APBB1IP: variants seen among roughly 807,000 people sequenced by gnomAD.
The protein encoded by APBB1IP is amyloid beta precursor protein binding family B member 1 interacting protein, also known as amyloid beta A4 precursor protein-binding family B member 1-interacting protein.
In APBB1IP, 27 loss-of-function variants were observed where a neutral mutation model predicts 64.9. That is an observed-to-expected ratio of 0.42 (90% CI 0.31 to 0.57). The LOEUF (loss-of-function observed/expected upper bound fraction) is 0.57. Ranked by LOEUF, APBB1IP falls within the 20% of genes least tolerant of loss-of-function variation. APBB1IP has a pLI of 0.20. For synonymous variants in APBB1IP, 392 were observed against 331.0 expected (o/e 1.18, Z -2.00); for missense variants, 812 against 845.5 (o/e 0.96, Z 0.49).
intron 2 of APBB1IP, among the ~76,000 whole-genome samples, 176 bp from the exon 3 acceptor site, chr10:26,492,151 T>C (rs779432333): frequency 1.3e-5 from 2 of 152,146 alleles, no homozygotes; most frequent in Non-Finnish European, 2.9e-5. Context: ...ATCAAGCAGA[T>C]TGGATAGAAG....
intron 2 of APBB1IP, among the ~76,000 whole-genome samples, chr10:26,440,560 A>G (rs1396615107): frequency 6.6e-6 from 1 of 152,236 alleles, no homozygotes; most frequent in Non-Finnish European, 1.5e-5. Context: ...GAAACAGCCC[A>G]AACTTGAACA....
At chr10:26,524,979 A>G (rs1430243966) in intron 8 of APBB1IP, among the ~76,000 whole-genome samples, 4 of 48,312 alleles carry the variant, frequency 8.3e-5, no homozygotes, top group Non-Finnish European at 2.0e-4. Context: ...TTTTTTATAA[A>G]AAAAGGAATC....
At chr10:26,493,285 A>G (rs1200823121) in intron 3 of APBB1IP, among the ~76,000 whole-genome samples, 2 of 152,180 alleles carry the variant, frequency 1.3e-5, no homozygotes, top group East Asian at 3.8e-4. Context: ...TGTGCAGTTA[A>G]CGCAATCATC....
At chr10:26,450,634 G>A (rs911589313) in intron 2 of APBB1IP, among the ~76,000 whole-genome samples, 1 of 150,910 alleles carries the variant, frequency 6.6e-6, no homozygotes, top group Admixed American at 6.6e-5. Flanking sequence ...TATGGCTGTG[G>A]AAAACTAGTA....
chr10:26,516,434 T>C (rs1394359005), intron 8 of APBB1IP, among the ~76,000 whole-genome samples: 1 of 148,356 alleles, frequency 6.7e-6, no homozygotes, highest in African/African-American at 2.5e-5. Context: ...TCTCAGCTAC[T>C]TGGGAGGCTG....
intron 8 of APBB1IP, among the ~76,000 whole-genome samples, chr10:26,529,379 T>C (rs1264950242): frequency 6.6e-6 from 1 of 152,238 alleles, no homozygotes; most frequent in Non-Finnish European, 1.5e-5. Context: ...TTGTGTTTTT[T>C]GCTATTTCAT....
intron 2 of APBB1IP, among the ~76,000 whole-genome samples, chr10:26,447,798 C>T (rs1835418398): frequency 6.6e-6 from 1 of 152,118 alleles, no homozygotes; most frequent in African/African-American, 2.4e-5. Context: ...ACAGCCACTC[C>T]CATCCCATTT....
At chr10:26,554,265 T>C (rs1836867332) in intron 11 of APBB1IP, among the ~76,000 whole-genome samples, 1 of 152,206 alleles carries the variant, frequency 6.6e-6, no homozygotes, top group Non-Finnish European at 1.5e-5. Context: ...CAGAAATTTA[T>C]TTATTGAAGA....
chr10:26,567,407 C>T lies in APBB1IP; in HGVS notation c.1920C>T (p.Pro640=), dbSNP rs772784067. The change falls in exon 15 of 15, where the codon CCC becomes CCT. Residue 640 remains proline, a synonymous_variant. Coordinates refer to ENST00000376236, the MANE Select transcript of APBB1IP (RefSeq NM_019043.4). ...AGAGGCAAGAGAACCCAGGGCACCCCGGCGGAGCAGGAGGCGGGGAGCAAG... is the reference window on the plus strand; with the variant it reads ...AGAGGCAAGAGAACCCAGGGCACCCTGGCGGAGCAGGAGGCGGGGAGCAAG... ...PPKRQENPGH[P]GGAGGGEQDF... The T allele has an allele frequency of 1.9e-6, 3 of 1,601,456 alleles. No homozygotes were observed. Among genetic ancestry groups the T allele is most frequent in the East Asian group, 2.3e-5 (1 of 44,264 alleles).
At chr10:26,541,475 T>C (rs1158015340) in intron 10 of APBB1IP, 107 bp from the exon 11 acceptor site, 3 of 749,808 alleles carry the variant, frequency 4.0e-6, no homozygotes, top group Non-Finnish European at 6.6e-6. Flanking sequence ...TAAAAGTCAA[T>C]ATTTTCTTTA....
chr10:26,477,683 G>A (rs1428299852), intron 2 of APBB1IP, among the ~76,000 whole-genome samples: 3 of 152,172 alleles, frequency 2.0e-5, no homozygotes, highest in Admixed American at 6.5e-5. Flanking sequence ...ACACAAAGGC[G>A]AATAACACGG....
At chr10:26,563,355 A>G (rs1836998291) in intron 14 of APBB1IP, among the ~76,000 whole-genome samples, 1 of 152,218 alleles carries the variant, frequency 6.6e-6, no homozygotes, top group Non-Finnish European at 1.5e-5. Context: ...CCTGTCTTAA[A>G]AAAAAGAAAA....
chr10:26,567,296 G>C lies in APBB1IP; in HGVS notation c.1809G>C (p.Pro603=). Residue 603 remains proline (P), a synonymous_variant, in exon 15 of 15, where the codon CCG becomes CCC. Coordinates refer to ENST00000376236, the MANE Select transcript of APBB1IP (RefSeq NM_019043.4). ...IAGSELPPPP[P]PPPAPAPAPV... ...GCTCAGAGCTGCCCCCGCCGCCGCC[G>C]CCGCCGCCCGCGCCCGCGCCCGCCC... 9.2e-7 allele frequency: 1 copy of C among 1,082,822 alleles called. No individual in the cohort carries two copies. Among genetic ancestry groups the C allele is most frequent in the Non-Finnish European group, 1.1e-6 (1 of 887,818 alleles). The allele number at this position is 1,082,822 out of a possible 1,614,324, so 67.1% of individuals were successfully genotyped here.
rs115585773 is a variant in APBB1IP at position 26,523,555 on chromosome 10, A to G, written c.814-9884A>G. Among the ~76,000 whole-genome samples, 983 of 152,298 alleles carry G rather than the reference A, an allele frequency of 6.5e-3. 9 individuals are homozygous for G. Among genetic ancestry groups the G allele is most frequent in the African/African-American group, 0.022 (932 of 41,566 alleles). On this transcript the variant is annotated intron_variant, in intron 8 of 14. Coordinates refer to ENST00000376236, the MANE Select transcript of APBB1IP (RefSeq NM_019043.4). ...TGAAAGGGGCCGTCCATTCTCAGGCAGGTCCACTTTAGAAAATGGTACACT... is the reference window on the plus strand; with the variant it reads ...TGAAAGGGGCCGTCCATTCTCAGGCGGGTCCACTTTAGAAAATGGTACACT...
intron 2 of APBB1IP, among the ~76,000 whole-genome samples, chr10:26,469,152 A>T (rs188148145): frequency 1.3e-5 from 2 of 151,842 alleles, no homozygotes; most frequent in Admixed American, 1.3e-4. Flanking sequence ...TCTTGAAATA[A>T]GACTTAGCTG....
At chr10:26,521,778 T>G (rs1264074453) in intron 8 of APBB1IP, among the ~76,000 whole-genome samples, 3 of 152,124 alleles carry the variant, frequency 2.0e-5, no homozygotes, top group Non-Finnish European at 4.4e-5. Context: ...TGAGATGGAG[T>G]CTTGCTTTGT....
intron 11 of APBB1IP, 47 bp downstream of exon 11, chr10:26,541,739 T>C: frequency 1.4e-6 from 2 of 1,393,960 alleles, no homozygotes; most frequent in Admixed American, 2.4e-5. Context: ...CAATTTGAGT[T>C]AATTTTTTTT....
At chr10:26,485,349 A>T (rs1337234145) in intron 2 of APBB1IP, among the ~76,000 whole-genome samples, 1 of 152,226 alleles carries the variant, frequency 6.6e-6, no homozygotes. Flanking sequence ...GGAGCCATGT[A>T]GAACATGTAG....
intron 2 of APBB1IP, among the ~76,000 whole-genome samples, chr10:26,463,268 T>C (rs1440241910): frequency 6.6e-6 from 1 of 152,072 alleles, no homozygotes; most frequent in Non-Finnish European, 1.5e-5. Flanking sequence ...TGAGATCCCA[T>C]CTTTACCAAA....
Sources: gnomAD v4.1 joint callset for allele counts (sites outside exome capture counted in the v4.1 genomes callset) on GRCh38, gnomAD v4.1.1 for gene constraint, MANE v1.5 for transcripts, NCBI Gene and HGNC (gene_info 2026-07-23, HGNC 2026-07-21) for gene names.